Variants in GALNTL6 observed in about 807,000 individuals in gnomAD.
GALNTL6 encodes polypeptide N-acetylgalactosaminyltransferase-like 6.
In GALNTL6, 46 loss-of-function variants were observed where a neutral mutation model predicts 73.7. That is an observed-to-expected ratio of 0.62 (90% CI 0.49 to 0.80). GALNTL6 has a LOEUF of 0.80. GALNTL6 is among the 30% of genes least tolerant of loss of function. The pLI, the probability that GALNTL6 is intolerant of heterozygous loss-of-function variation, is 0.00. For missense variants in GALNTL6, 604 were observed against 755.0 expected, an observed-to-expected ratio of 0.80 and a Z score of 2.34; for synonymous variants, 259 against 263.7, an observed-to-expected ratio of 0.98 and a Z score of 0.17.
At chr4:172,423,019 C>G (rs1579057822) in intron 5 of GALNTL6, among the ~76,000 whole-genome samples, 1 of 151,656 alleles carries the variant, frequency 6.6e-6, no homozygotes, top group Non-Finnish European at 1.5e-5. Context: ...ATACCTATAC[C>G]TGTAGAAATC....
At chr4:172,344,591 T>C (rs1741678297) in intron 4 of GALNTL6, among the ~76,000 whole-genome samples, 2 of 152,306 alleles carry the variant, frequency 1.3e-5, no homozygotes, top group South Asian at 4.1e-4. Context: ...TCCGGTCTTG[T>C]GATTAACAAT....
chr4:171,908,763 G>A (rs1737379722), intron 2 of GALNTL6, among the ~76,000 whole-genome samples: 1 of 150,972 alleles, frequency 6.6e-6, no homozygotes, highest in Non-Finnish European at 1.5e-5. Flanking sequence ...AACAACGATA[G>A]ACTGGATTAG....
intron 5 of GALNTL6, among the ~76,000 whole-genome samples, chr4:172,716,450 C>T (rs1282834967): frequency 6.6e-6 from 1 of 151,884 alleles, no homozygotes. Flanking sequence ...TGAATTACAT[C>T]TTGATGAAAG....
chr4:172,987,680 G>A (rs935723794), intron 10 of GALNTL6, among the ~76,000 whole-genome samples: 2 of 152,180 alleles, frequency 1.3e-5, no homozygotes, highest in South Asian at 2.1e-4. Context: ...GATCATGGGG[G>A]CAGACTCTCC....
At chr4:172,610,644 A>G (rs1266168052) in intron 5 of GALNTL6, among the ~76,000 whole-genome samples, 1 of 152,024 alleles carries the variant, frequency 6.6e-6, no homozygotes, top group Non-Finnish European at 1.5e-5. Flanking sequence ...TATGCAGGTG[A>G]TTAGACTGTA....
At chr4:172,990,067 A>G (rs780599439) in intron 10 of GALNTL6, among the ~76,000 whole-genome samples, 13 of 152,212 alleles carry the variant, frequency 8.5e-5, no homozygotes, top group Non-Finnish European at 1.8e-4. Flanking sequence ...TAAATAAGGT[A>G]TAAGTCCAGT....
intron 2 of GALNTL6, among the ~76,000 whole-genome samples, chr4:172,206,957 A>G (rs1579254273): frequency 1.3e-5 from 2 of 151,480 alleles, no homozygotes; most frequent in African/African-American, 4.8e-5. Context: ...AGCTGGGACT[A>G]CAGGCACCCA....
intron 2 of GALNTL6, among the ~76,000 whole-genome samples, chr4:171,964,599 T>C (rs1739330664): frequency 6.6e-6 from 1 of 152,224 alleles, no homozygotes; most frequent in Non-Finnish European, 1.5e-5. Context: ...ATTCCCATCA[T>C]CTTTCACCTG....
intron 2 of GALNTL6, among the ~76,000 whole-genome samples, chr4:171,823,968 A>G (rs893286476): frequency 6.6e-6 from 1 of 150,496 alleles, no homozygotes; most frequent in African/African-American, 2.4e-5. Flanking sequence ...CAATAAAAGT[A>G]AAAATAAAAG....
intron 5 of GALNTL6, among the ~76,000 whole-genome samples, chr4:172,662,790 C>CA (rs989999910): frequency 6.6e-6 from 1 of 151,850 alleles, no homozygotes; most frequent in Non-Finnish European, 1.5e-5. Context: ...AATAAGCAAC[C>CA]AAAAAAATAA....
chr4:172,174,345 C>G (rs1332328439), intron 2 of GALNTL6, among the ~76,000 whole-genome samples: 1 of 152,138 alleles, frequency 6.6e-6, no homozygotes, highest in Non-Finnish European at 1.5e-5. Context: ...CTGAAATGGG[C>G]CTGCCTTAGT....
intron 2 of GALNTL6, among the ~76,000 whole-genome samples, chr4:172,151,564 T>C (rs1264165866): frequency 6.6e-6 from 1 of 152,184 alleles, no homozygotes; most frequent in Non-Finnish European, 1.5e-5. Flanking sequence ...GAGGAGTGTT[T>C]TGGACATTTA....
chr4:172,897,914 T>C (rs910015974), intron 8 of GALNTL6, among the ~76,000 whole-genome samples: 2 of 152,202 alleles, frequency 1.3e-5, no homozygotes, highest in African/African-American at 2.4e-5. Context: ...CCATGCCATA[T>C]GCAAAAAGAA....
chr4:172,395,326 G>A (rs1175343214), intron 5 of GALNTL6, among the ~76,000 whole-genome samples: 14 of 152,086 alleles, frequency 9.2e-5, no homozygotes. Context: ...TGTGTGCAAA[G>A]ACTGAAAAAA....
chr4:173,014,606 T>C (rs1752701121), intron 11 of GALNTL6, among the ~76,000 whole-genome samples: 1 of 152,104 alleles, frequency 6.6e-6, no homozygotes. Flanking sequence ...AGAGTCTCAT[T>C]ATCAAGACAG....
chr4:172,027,567 A>T (rs1156451794), intron 2 of GALNTL6, among the ~76,000 whole-genome samples: 1 of 152,032 alleles, frequency 6.6e-6, no homozygotes, highest in Non-Finnish European at 1.5e-5. Context: ...GAGACCAACG[A>T]TACTGAAATT....
At chr4:172,117,007 AT>A (rs1733001004) in intron 2 of GALNTL6, among the ~76,000 whole-genome samples, 1 of 152,208 alleles carries the variant, frequency 6.6e-6, no homozygotes, top group African/African-American at 2.4e-5. Flanking sequence ...ATGTGTGTGT[AT>A]AATGTATTAT....
At chr4:172,311,790 TTG>T in intron 4 of GALNTL6, 38 bp downstream of exon 4, 1 of 1,434,316 alleles carries the variant, frequency 7.0e-7, no homozygotes, top group Non-Finnish European at 9.3e-7. Context: ...GTGGGTTTTT[TTG>T]GTTTTTTTTG....
intron 10 of GALNTL6, among the ~76,000 whole-genome samples, chr4:172,994,812 G>T (rs1751702755): frequency 6.6e-6 from 1 of 152,126 alleles, no homozygotes; most frequent in African/African-American, 2.4e-5. Context: ...CTGCCATCCT[G>T]TCCAGGGCTA....
Sources: gnomAD v4.1 joint callset for allele counts (sites outside exome capture counted in the v4.1 genomes callset) on GRCh38, gnomAD v4.1.1 for gene constraint, MANE v1.5 for transcripts, NCBI Gene and HGNC (gene_info 2026-07-23, HGNC 2026-07-21) for gene names.